Variants in PPP1R1C observed in about 807,000 individuals in gnomAD.
The protein encoded by PPP1R1C is protein phosphatase 1 regulatory inhibitor subunit 1C.
Under a neutral mutation model 17.4 loss-of-function variants are expected in PPP1R1C, and 15 were observed. The observed-to-expected ratio is 0.86, with a 90% CI of 0.58 to 1.33. The LOEUF (loss-of-function observed/expected upper bound fraction) is 1.33. Ranked by LOEUF, PPP1R1C falls within the 40% of genes most tolerant of loss-of-function variation. The probability of loss-of-function intolerance (pLI) is 0.00; values close to 1 mark genes in which losing one functional copy is unlikely to be tolerated. For synonymous variants in PPP1R1C, 35 were observed against 43.1 expected (o/e 0.81, Z 0.73); for missense variants, 143 against 130.0 (o/e 1.10, Z -0.48).
At chr2:182,043,955 A>G (rs1687265665) in intron 2 of PPP1R1C, among the ~76,000 whole-genome samples, 2 of 152,176 alleles carry the variant, frequency 1.3e-5, no homozygotes, top group Admixed American at 1.3e-4. Flanking sequence ...CACAATATGA[A>G]CAATTCCATG....
At chr2:181,981,454 T>C (rs373481736), upstream of PPP1R1C, among the ~76,000 whole-genome samples, 1 of 152,220 alleles carries the variant, frequency 6.6e-6, no homozygotes, top group Non-Finnish European at 1.5e-5. Context: ...GTTGAACTTA[T>C]AGGACATTCT....
intron 4 of PPP1R1C, among the ~76,000 whole-genome samples, chr2:182,090,764 A>G (rs557246967): frequency 1.5e-3 from 230 of 152,346 alleles, no homozygotes; most frequent in African/African-American, 5.3e-3. Context: ...TTTCCAAAAC[A>G]TCTAAAGTTT....
At position 182,063,610 on chromosome 2, in the gene PPP1R1C, G is replaced by C. The variant is rs193237045; in HGVS notation, c.181-121G>C. The C allele has an allele frequency of 7.1e-5, 54 of 765,444 alleles. No homozygotes were observed. In the African/African-American group the frequency reaches 7.6e-4, roughly 11 times the overall value. The allele number at this position is 765,444 out of a possible 1,614,324, so 47.4% of individuals were successfully genotyped here. On this transcript the variant is annotated intron_variant, in intron 3 of 4. Transcript: ENST00000682840. The stretch of plus-strand genomic sequence containing the variant: ...TCTCATTAATTAGATTCTATTTCAT[G>C]ACAGGGAGAAATCAGAAAGCTTTTC...
At chr2:182,022,984 A>G (rs757047372) in intron 2 of PPP1R1C, among the ~76,000 whole-genome samples, 1 of 152,210 alleles carries the variant, frequency 6.6e-6, no homozygotes, top group Non-Finnish European at 1.5e-5. Flanking sequence ...GAAGATAATA[A>G]ATTAATGTGG....
intron 2 of PPP1R1C, among the ~76,000 whole-genome samples, chr2:182,008,001 G>A (rs539353072): frequency 6.6e-6 from 1 of 152,226 alleles, no homozygotes; most frequent in South Asian, 2.1e-4. Context: ...CTAGGAGGTG[G>A]AGCTTGCAGT....
intron 4 of PPP1R1C, among the ~76,000 whole-genome samples, chr2:182,076,197 C>CTTTTTGTTTTTTTTT (rs1688299262): frequency 3.9e-5 from 1 of 25,850 alleles, no homozygotes; most frequent in African/African-American, 2.1e-4. Context: ...TTTTTCTTTT[C>CTTTTTGTTTTTTTTT]TTTTTTTTTT....
At chr2:182,036,476 C>T (rs1428086634) in intron 2 of PPP1R1C, among the ~76,000 whole-genome samples, 1 of 152,132 alleles carries the variant, frequency 6.6e-6, no homozygotes, top group South Asian at 2.1e-4. Flanking sequence ...CATTTTTAAA[C>T]ATGAAATTAC....
intron 4 of PPP1R1C, among the ~76,000 whole-genome samples, chr2:182,102,340 C>T (rs1206610578): frequency 2.0e-5 from 3 of 152,108 alleles, no homozygotes; most frequent in African/African-American, 7.2e-5. Context: ...GCCCTGTTCC[C>T]TCATGTTAGT....
At position 181,972,670 on chromosome 2, in the gene PPP1R1C, G is replaced by A. The variant is rs186847102; in HGVS notation, n.112-2549G>A. On this transcript the variant is annotated intron_variant and non_coding_transcript_variant, in intron 1 of 5. Coordinates refer to the PPP1R1C transcript ENST00000464264. Reference sequence around the variant, plus strand: ...CACTACAAGTGACCATATGTACAAAGTGAAAGGACTTGGGTTATTCAAGAA... The same window carrying A: ...CACTACAAGTGACCATATGTACAAAATGAAAGGACTTGGGTTATTCAAGAA... Among the ~76,000 whole-genome samples the A allele has an allele frequency of 1.4e-3, 217 of 152,248 alleles. 1 individual carries two copies. The highest frequency in any genetic ancestry group is 6.0e-3 in the East Asian group (31 of 5,170).
chr2:182,058,705 A>G lies in PPP1R1C; in HGVS notation c.143-2737A>G, dbSNP rs368461810. 3.9e-4 allele frequency among the ~76,000 whole-genome samples: 59 copies of G among 152,258 alleles called. No homozygotes were observed. In the South Asian group the frequency reaches 8.9e-3, roughly 23 times the overall value. The stretch of plus-strand genomic sequence containing the variant: ...TGGCTTAAGTGTGGTCACGACAGAC[A>G]AATGGAAGAAACAGTATTAGATATT... On this transcript the variant is annotated intron_variant, in intron 2 of 4. Transcript: ENST00000682840.
At chr2:181,990,280 A>G (rs929205506) in intron 2 of PPP1R1C, among the ~76,000 whole-genome samples, 1 of 151,838 alleles carries the variant, frequency 6.6e-6, no homozygotes, top group Non-Finnish European at 1.5e-5. Context: ...CTGGGACTAC[A>G]GGCTCCTGCC....
chr2:182,085,353 T>A (rs550738005), intron 4 of PPP1R1C, among the ~76,000 whole-genome samples: 1 of 152,266 alleles, frequency 6.6e-6, no homozygotes, highest in African/African-American at 2.4e-5. Context: ...TACATCCATC[T>A]GTATACACAT....
Position 182,103,345 on chromosome 2 carries a change from C to A in PPP1R1C, c.242-13862C>A, listed in dbSNP as rs182623216. On this transcript the variant is annotated intron_variant, in intron 4 of 4. Transcript: ENST00000682840. ...TGTAATCTGTATGAAATTGCTAGTC[C>A]TTATAAAAGTTGAGCAATACATTGC... Among the ~76,000 whole-genome samples the A allele has an allele frequency of 1.2e-3, 186 of 152,014 alleles. 1 individual carries two copies. Among genetic ancestry groups the A allele is most frequent in the African/African-American group, 4.3e-3 (178 of 41,478 alleles).
chr2:182,054,698 T>C (rs779159088), intron 2 of PPP1R1C, among the ~76,000 whole-genome samples: 3 of 152,206 alleles, frequency 2.0e-5, no homozygotes, highest in Non-Finnish European at 2.9e-5. Flanking sequence ...TTTTGCTCTG[T>C]CACCCAGGCT....
chr2:182,053,515 C>T (rs1687588515), intron 2 of PPP1R1C, among the ~76,000 whole-genome samples: 1 of 152,034 alleles, frequency 6.6e-6, no homozygotes, highest in Non-Finnish European at 1.5e-5. Flanking sequence ...TTTGTTATTG[C>T]AGGTGAGATT....
At chr2:181,980,247 A>G (rs979237030) in intron 2 of PPP1R1C, among the ~76,000 whole-genome samples, 1 of 152,258 alleles carries the variant, frequency 6.6e-6, no homozygotes, top group Non-Finnish European at 1.5e-5. Context: ...GTCCAACTTC[A>G]TTTAATAATC....
intron 4 of PPP1R1C, among the ~76,000 whole-genome samples, chr2:182,111,867 T>C (rs1406980586): frequency 6.6e-6 from 1 of 152,052 alleles, no homozygotes; most frequent in African/African-American, 2.4e-5. Flanking sequence ...ATCACTCCTT[T>C]GTATATAGGA....
intron 4 of PPP1R1C, among the ~76,000 whole-genome samples, chr2:182,111,032 A>G (rs986523572): frequency 1.3e-5 from 2 of 151,998 alleles, no homozygotes; most frequent in African/African-American, 4.8e-5. Flanking sequence ...TTTTAAAAAG[A>G]GAGAGAGAGA....
chr2:182,096,791 T>C (rs1045310412), intron 4 of PPP1R1C, among the ~76,000 whole-genome samples: 11 of 152,196 alleles, frequency 7.2e-5, no homozygotes, highest in Non-Finnish European at 1.6e-4. Flanking sequence ...CACACACACA[T>C]TTGTTATCAA....
Sources: gnomAD v4.1 joint callset for allele counts (sites outside exome capture counted in the v4.1 genomes callset) on GRCh38, gnomAD v4.1.1 for gene constraint, MANE v1.5 for transcripts, NCBI Gene and HGNC (gene_info 2026-07-23, HGNC 2026-07-21) for gene names.